The following RGS7 variants were observed in gnomAD, a reference collection of about 807,000 sequenced individuals.
RGS7 encodes the protein regulator of G protein signaling 7, also known as regulator of G-protein signaling 7.
In RGS7, 27 loss-of-function variants were observed where a neutral mutation model predicts 81.1. The ratio of observed to expected loss-of-function variants is 0.33; its 90% CI spans 0.25 to 0.46. RGS7 has a LOEUF of 0.46. RGS7 is among the 20% of genes least tolerant of loss of function. The probability of loss-of-function intolerance (pLI) is 1.00; values close to 1 mark genes in which losing one functional copy is unlikely to be tolerated. For synonymous variants in RGS7, 208 were observed against 207.7 expected, an observed-to-expected ratio of 1.00 and a Z score of -0.01; for missense variants, 396 against 607.4, an observed-to-expected ratio of 0.65 and a Z score of 3.66.
At chr1:241,240,722 T>C (rs912687725) in intron 2 of RGS7, among the ~76,000 whole-genome samples, 1 of 152,228 alleles carries the variant, frequency 6.6e-6, no homozygotes, top group Non-Finnish European at 1.5e-5. Flanking sequence ...ATCATAATGT[T>C]AATCATAACA....
intron 6 of RGS7, among the ~76,000 whole-genome samples, chr1:240,885,478 A>T (rs531840805): frequency 6.6e-6 from 1 of 152,354 alleles, no homozygotes; most frequent in African/African-American, 2.4e-5. Context: ...TCACAATAGC[A>T]AAGACATGGA....
At chr1:241,142,774 G>A (rs1039445154) in intron 2 of RGS7, among the ~76,000 whole-genome samples, 7 of 152,174 alleles carry the variant, frequency 4.6e-5, no homozygotes, top group Admixed American at 1.3e-4. Flanking sequence ...CCTTACATAT[G>A]CAAATTTATG....
At chr1:241,269,909 A>G (rs1437031463) in intron 2 of RGS7, among the ~76,000 whole-genome samples, 4 of 152,194 alleles carry the variant, frequency 2.6e-5, no homozygotes, top group Non-Finnish European at 4.4e-5. Context: ...TGGTTGGCAA[A>G]CATAGGGCAT....
chr1:240,782,080 G>C (rs1684213783), intron 18 of RGS7, among the ~76,000 whole-genome samples: 1 of 151,808 alleles, frequency 6.6e-6, no homozygotes. Flanking sequence ...ATGCCCAATA[G>C]GCCATCTGGA....
intron 2 of RGS7, among the ~76,000 whole-genome samples, chr1:241,300,334 T>C (rs2079677419): frequency 6.6e-6 from 1 of 152,202 alleles, no homozygotes; most frequent in Non-Finnish European, 1.5e-5. Flanking sequence ...TGTTATATAT[T>C]CTATGGGTTT....
intron 5 of RGS7, among the ~76,000 whole-genome samples, chr1:240,934,094 G>A (rs989021380): frequency 2.0e-5 from 3 of 152,128 alleles, no homozygotes; most frequent in African/African-American, 7.2e-5. Context: ...CTCCCAAGTA[G>A]CTGGGACTAC....
At chr1:241,039,565 C>CT (rs10534818) in intron 3 of RGS7, among the ~76,000 whole-genome samples, 48 of 147,356 alleles carry the variant, frequency 3.3e-4, no homozygotes, top group South Asian at 8.6e-4. Context: ...GAACTCATTT[C>CT]TTTTTTTTTT....
chr1:240,913,502 GT>G (rs147613531), intron 6 of RGS7, among the ~76,000 whole-genome samples: 5,279 of 152,276 alleles, frequency 0.035, 98 homozygotes, highest in Middle Eastern at 0.044. Flanking sequence ...TGCCTTAAAT[GT>G]TTTAGTTCCT....
intron 10 of RGS7, among the ~76,000 whole-genome samples, chr1:240,825,905 T>C (rs1244357420): frequency 6.6e-6 from 1 of 152,256 alleles, no homozygotes; most frequent in African/African-American, 2.4e-5. Flanking sequence ...ATGTCTGTGT[T>C]AGGGTCTGTT....
chr1:240,977,076 C>G (rs1684222440), intron 4 of RGS7, among the ~76,000 whole-genome samples: 1 of 142,706 alleles, frequency 7.0e-6, no homozygotes. Context: ...CATCTATCAT[C>G]TATCTATCCA....
At chr1:241,096,145 G>A (rs902369002) in intron 3 of RGS7, among the ~76,000 whole-genome samples, 1 of 152,174 alleles carries the variant, frequency 6.6e-6, no homozygotes, top group Non-Finnish European at 1.5e-5. Flanking sequence ...AAAGTCAGCG[G>A]ATTCCTTGTT....
intron 10 of RGS7, among the ~76,000 whole-genome samples, chr1:240,819,739 C>CA (rs201568599): frequency 2.2e-4 from 33 of 151,656 alleles, no homozygotes; most frequent in Admixed American, 3.3e-4. Context: ...TCCATCTCCA[C>CA]AAAAAAAACA....
chr1:240,793,152 T>C (rs901911626), intron 18 of RGS7, among the ~76,000 whole-genome samples: 7 of 152,110 alleles, frequency 4.6e-5, no homozygotes, highest in African/African-American at 1.2e-4. Context: ...CCCCACAGCA[T>C]TCCTTAGGAA....
At chr1:240,998,042 G>A (rs113893375) in intron 3 of RGS7, among the ~76,000 whole-genome samples, 3 of 152,064 alleles carry the variant, frequency 2.0e-5, no homozygotes, top group African/African-American at 4.8e-5. Context: ...TCATTTCCCC[G>A]TTATGCCTCA....
chr1:240,993,136 A>T (rs1454453422), intron 3 of RGS7, among the ~76,000 whole-genome samples: 1 of 142,524 alleles, frequency 7.0e-6, no homozygotes, highest in Admixed American at 7.2e-5. Flanking sequence ...GGAAGGAAGG[A>T]GGAAAGGAAA....
chr1:241,244,262 A>G (rs190876779), intron 2 of RGS7, among the ~76,000 whole-genome samples: 1 of 152,306 alleles, frequency 6.6e-6, no homozygotes, highest in African/African-American at 2.4e-5. Context: ...AATTTACAAG[A>G]AAAAAACAAA....
intron 2 of RGS7, among the ~76,000 whole-genome samples, chr1:241,221,092 AAAGGAAGGAAGGAAGGAAGG>A (rs141939771): frequency 2.2e-5 from 3 of 138,466 alleles, no homozygotes; most frequent in African/African-American, 5.4e-5. Context: ...AGGAAGGAAG[AAAGGAAGGAAGGAAGGAAGG>A]AAGGGAGGGA....
At chr1:241,207,762 T>G (rs1038459021) in intron 2 of RGS7, among the ~76,000 whole-genome samples, 5 of 152,188 alleles carry the variant, frequency 3.3e-5, no homozygotes, top group African/African-American at 1.2e-4. Context: ...TTGGAAGCAG[T>G]TGTCCATAAA....
intron 2 of RGS7, among the ~76,000 whole-genome samples, chr1:241,198,920 A>G (rs2073281347): frequency 1.3e-5 from 2 of 152,204 alleles, no homozygotes; most frequent in Admixed American, 1.3e-4. Flanking sequence ...ACCCGTATGC[A>G]AAAATATTAC....
Sources: gnomAD v4.1 joint callset for allele counts (sites outside exome capture counted in the v4.1 genomes callset) on GRCh38, gnomAD v4.1.1 for gene constraint, MANE v1.5 for transcripts, NCBI Gene and HGNC (gene_info 2026-07-23, HGNC 2026-07-21) for gene names.